Variants in SOX6 observed in about 807,000 individuals in gnomAD.
SOX6 encodes the protein transcription factor SOX-6.
In SOX6, 11 loss-of-function variants were observed where a neutral mutation model predicts 97.8. The ratio of observed to expected loss-of-function variants is 0.11; its 90% CI spans 0.07 to 0.19. The LOEUF (loss-of-function observed/expected upper bound fraction) is 0.19, where lower values mean the gene tolerates loss of function less well. Among genes scored for constraint, SOX6 ranks in the 10% least tolerant of loss-of-function variants. The pLI is 1.00. For missense variants in SOX6, 810 were observed against 1,039.5 expected (o/e 0.78, Z 3.04); for synonymous variants, 360 against 371.4 (o/e 0.97, Z 0.35).
chr11:16,706,320 T>G (rs929435601), intron 3 of SOX6, among the ~76,000 whole-genome samples: 1 of 147,904 alleles, frequency 6.8e-6, no homozygotes, highest in Non-Finnish European at 1.5e-5. Context: ...TAGTAACACA[T>G]TCCTGTGGTC....
chr11:16,010,933 C>A (rs770218492), intron 13 of SOX6, among the ~76,000 whole-genome samples: 1 of 151,904 alleles, frequency 6.6e-6, no homozygotes, highest in African/African-American at 2.4e-5. Context: ...TAATAATAAT[C>A]GCAGACTTGG....
intron 3 of SOX6, among the ~76,000 whole-genome samples, chr11:16,625,915 C>G (rs1258049333): frequency 1.3e-5 from 2 of 152,128 alleles, no homozygotes; most frequent in African/African-American, 4.8e-5. Context: ...GTTCTGTGAG[C>G]CATTCTAGAA....
chr11:16,622,843 ACT>A (rs1848564619), intron 3 of SOX6, among the ~76,000 whole-genome samples: 1 of 152,062 alleles, frequency 6.6e-6, no homozygotes, highest in South Asian at 2.1e-4. Context: ...AAATCTCCAC[ACT>A]GTTTTTCATA....
At chr11:16,236,880 T>C (rs1192485948) in intron 3 of SOX6, among the ~76,000 whole-genome samples, 2 of 152,138 alleles carry the variant, frequency 1.3e-5, no homozygotes, top group South Asian at 4.1e-4. Flanking sequence ...TACTCATTAA[T>C]AAAATGGCTA....
rs1465301583 is a variant in SOX6, at chr11:16,494,922, C to T, written n.610-18534G>A. Among the ~76,000 whole-genome samples the T allele has an allele frequency of 2.6e-5, 4 of 152,156 alleles. No individual in the cohort carries two copies. In the East Asian group the frequency reaches 7.7e-4, roughly 29 times the overall value. On this transcript the variant is annotated intron_variant and non_coding_transcript_variant, in intron 4 of 5. Transcript: ENST00000524520. The stretch of plus-strand genomic sequence containing the variant: ...TCCCAAGAGGGAGCTCACATTGGTT[C>T]TCACACACTGCCCCAAGTCCTAAGC...
chr11:16,313,218 GTT>G (rs1855659929), intron 3 of SOX6: 1 of 152,118 alleles, frequency 6.6e-6, no homozygotes, highest in African/African-American at 2.4e-5. Context: ...TGCCTGGAGA[GTT>G]TTTGTTTCAT....
intron 3 of SOX6, among the ~76,000 whole-genome samples, chr11:16,265,220 A>T (rs1034788773): frequency 6.6e-6 from 1 of 151,944 alleles, no homozygotes; most frequent in African/African-American, 2.4e-5. Context: ...TCATGAAGCC[A>T]GAAAAAGAAT....
At chr11:16,091,763 T>C (rs751921146) in intron 9 of SOX6, among the ~76,000 whole-genome samples, 11 of 151,986 alleles carry the variant, frequency 7.2e-5, no homozygotes, top group Non-Finnish European at 1.3e-4. Context: ...AAATCTCCCC[T>C]AAACTACACA....
At chr11:16,718,338 AG>A (rs925740583) in intron 2 of SOX6, among the ~76,000 whole-genome samples, 31 of 152,252 alleles carry the variant, frequency 2.0e-4, no homozygotes, top group African/African-American at 7.5e-4. Flanking sequence ...CTAATGACTT[AG>A]AGAATTAAAA....
At chr11:16,056,862 G>A (rs1235592109) in intron 9 of SOX6, among the ~76,000 whole-genome samples, 6 of 152,034 alleles carry the variant, frequency 3.9e-5, no homozygotes, top group Admixed American at 3.9e-4. Flanking sequence ...TTGAAAGACA[G>A]GTGGGCTAAC....
At chr11:16,143,251 A>G (rs187769816) in intron 6 of SOX6, among the ~76,000 whole-genome samples, 1,614 of 152,294 alleles carry the variant, frequency 0.011, 26 homozygotes, top group African/African-American at 0.037. Context: ...CAGCCAAACT[A>G]AGCTTCATAA....
At chr11:16,726,326 A>G (rs1848306302) in intron 2 of SOX6, among the ~76,000 whole-genome samples, 1 of 152,220 alleles carries the variant, frequency 6.6e-6, no homozygotes, top group Admixed American at 6.5e-5. Flanking sequence ...CTGGGGCACA[A>G]GAATCGCTTG....
At chr11:16,058,596 G>T (rs991739135) in intron 9 of SOX6, among the ~76,000 whole-genome samples, 1 of 151,994 alleles carries the variant, frequency 6.6e-6, no homozygotes, top group Non-Finnish European at 1.5e-5. Flanking sequence ...ATTTATCTTA[G>T]ACTAGACCAT....
intron 3 of SOX6, among the ~76,000 whole-genome samples, chr11:16,673,337 T>TAAACA: frequency 6.6e-6 from 1 of 151,650 alleles, no homozygotes; most frequent in Non-Finnish European, 1.5e-5. Flanking sequence ...TTTGAAAATA[T>TAAACA]AAACAAAATT....
At chr11:16,059,327 T>G (rs1337226910) in intron 9 of SOX6, among the ~76,000 whole-genome samples, 1 of 152,186 alleles carries the variant, frequency 6.6e-6, no homozygotes, top group East Asian at 1.9e-4. Flanking sequence ...TTTTCTTTTC[T>G]TCTTATAATC....
intron 6 of SOX6, among the ~76,000 whole-genome samples, chr11:16,176,728 T>C (rs1184982136): frequency 6.6e-6 from 1 of 151,924 alleles, no homozygotes; most frequent in Non-Finnish European, 1.5e-5. Context: ...ACATTTTAGA[T>C]GTTAGGTATT....
At chr11:16,702,039 T>C (rs909583920) in intron 3 of SOX6, among the ~76,000 whole-genome samples, 2 of 152,194 alleles carry the variant, frequency 1.3e-5, no homozygotes, top group Admixed American at 1.3e-4. Flanking sequence ...AGCATGTGTA[T>C]CACAACAATA....
upstream of SOX6, among the ~76,000 whole-genome samples, chr11:16,478,574 A>G (rs1714105143): frequency 6.6e-6 from 1 of 152,180 alleles, no homozygotes; most frequent in South Asian, 2.1e-4. Flanking sequence ...TTATCAATGG[A>G]TTTGCACTAT....
intron 7 of SOX6, among the ~76,000 whole-genome samples, chr11:16,104,456 ATTTCAAGATGTGGAACTCTTGGAAAAGT>A (rs6144229): frequency 0.012 from 1,829 of 152,140 alleles, 35 homozygotes; most frequent in African/African-American, 0.041. Context: ...TATCTCCGCT[ATTTCAAGATGTGGAACTCTTGGAAAAGT>A]TAACTTTTTT....
Sources: gnomAD v4.1 joint callset for allele counts (sites outside exome capture counted in the v4.1 genomes callset) on GRCh38, gnomAD v4.1.1 for gene constraint, MANE v1.5 for transcripts, NCBI Gene and HGNC (gene_info 2026-07-23, HGNC 2026-07-21) for gene names.